KIF1B: variants seen among roughly 807,000 people sequenced by gnomAD.
The protein encoded by KIF1B is kinesin-like protein KIF1B.
Under a neutral mutation model 241.9 loss-of-function variants are expected in KIF1B, and 76 were observed. The observed-to-expected ratio is 0.31, with a 90% CI of 0.26 to 0.38. The LOEUF (loss-of-function observed/expected upper bound fraction) is 0.38, where lower values mean the gene tolerates loss of function less well. KIF1B is among the 10% of genes least tolerant of loss of function. KIF1B has a pLI of 1.00. For synonymous variants in KIF1B, 750 were observed against 796.7 expected (o/e 0.94, Z 0.99); for missense variants, 1,622 against 2,271.4 (o/e 0.71, Z 5.81).
At chr1:10,229,941 C>CCACT (rs1482005366) in intron 1 of KIF1B, among the ~76,000 whole-genome samples, 1 of 150,968 alleles carries the variant, frequency 6.6e-6, no homozygotes, top group Non-Finnish European at 1.5e-5. Flanking sequence ...ACCTATAATC[C>CCACT]CAGCACTTTG....
chr1:10,283,532 A>G (rs768547749), intron 15 of KIF1B, among the ~76,000 whole-genome samples: 8 of 152,370 alleles, frequency 5.3e-5, no homozygotes, highest in Non-Finnish European at 1.0e-4. Flanking sequence ...CTTCTGACTC[A>G]TAGCTGCTTC....
chr1:10,258,511 G>A lies in KIF1B; in HGVS notation c.202G>A (p.Ala68Thr). The change falls in exon 4 of 49, where the codon GCA becomes ACA. Residue 68 changes from alanine to threonine, a missense_variant. Ala to Thr is a moderately conservative substitution (Grantham distance 58). Around this residue, in one of 7 missense-constraint regions of KIF1B, gnomAD observed 156 missense variants for 244.8 expected, o/e 0.64. Coordinates refer to ENST00000676179, the MANE Select transcript of KIF1B (RefSeq NM_001365951.3). ...TTTACAGCCCGAAGATCCCTGTTTT[G>A]CATCTCAAAACCGTGTGTACAATGA... is the stretch of plus-strand genomic sequence containing the variant. ...SHTSPEDPCF[A>T]SQNRVYNDIG... The A allele has an allele frequency of 6.2e-7, 1 of 1,614,002 alleles. No homozygotes were observed. Among genetic ancestry groups the A allele is most frequent in the Non-Finnish European group, 8.5e-7 (1 of 1,179,980 alleles).
chr1:10,363,790 G>A (rs1421871667), intron 41 of KIF1B, among the ~76,000 whole-genome samples: 51 of 152,152 alleles, frequency 3.4e-4, no homozygotes, highest in Admixed American at 3.0e-3. Flanking sequence ...CTAGCTAGGC[G>A]GAGTTAAGCA....
chr1:10,240,436 G>A lies in KIF1B; in HGVS notation c.106+8002G>A, dbSNP rs184185905. 8.5e-4 allele frequency among the ~76,000 whole-genome samples: 129 copies of A among 151,830 alleles called. 1 individual carries two copies. The East Asian group carries it at 0.023, about 27-fold the overall frequency. ...TTGGCCAGTCTGGTCTCAAACTCCT[G>A]ACCTCAAGTAATCCACCTGTCTTGT... On this transcript the variant is annotated intron_variant, in intron 2 of 48. Coordinates refer to ENST00000676179, the MANE Select transcript of KIF1B (RefSeq NM_001365951.3).
At chr1:10,267,857 T>C (rs1488985894) in intron 6 of KIF1B, among the ~76,000 whole-genome samples, 2 of 152,194 alleles carry the variant, frequency 1.3e-5, no homozygotes, top group Non-Finnish European at 2.9e-5. Context: ...TAATTGATTC[T>C]GGAATAAATG....
intron 37 of KIF1B, among the ~76,000 whole-genome samples, chr1:10,350,370 T>C (rs1247146275): frequency 1.3e-5 from 2 of 148,578 alleles, no homozygotes; most frequent in African/African-American, 2.5e-5. Context: ...CCATCCTGGC[T>C]AACACGGTGA....
Position 10,342,132 on chromosome 1 carries a change from A to G in KIF1B, c.3596A>G (p.Gln1199Arg). ...TTTGAAGTCTTTGGGCATTATCAGC[A>G]GCACCCACTTCATCTGCAAGGACAG... ...IVFEVFGHYQ[Q>R]HPLHLQGQEL... The change falls in exon 33 of 49, where the codon CAG (glutamine) becomes CGG (arginine). Residue 1199 changes from glutamine (Q) to arginine (R), a missense_variant. This residue lies in a region of KIF1B where 803 missense variants were observed against 1,112.0 expected (regional missense o/e 0.72). Transcript: ENST00000676179. 1 of 1,613,194 alleles carries G rather than the reference A, an allele frequency of 6.2e-7. No homozygotes were observed.
chr1:10,344,758 A>G (rs1210617970), intron 34 of KIF1B: 1 of 152,192 alleles, frequency 6.6e-6, no homozygotes, highest in East Asian at 1.9e-4. Flanking sequence ...CTTTATGTAC[A>G]TTATGTTAGT....
rs777318699 is a variant in KIF1B, at chr1:10,267,463, C to T, written c.513C>T (p.His171=). The T allele has an allele frequency of 6.2e-7, 1 of 1,614,182 alleles. No homozygotes were observed. Among genetic ancestry groups the T allele is most frequent in the Non-Finnish European group, 8.5e-7 (1 of 1,180,016 alleles). Residue 171 remains histidine, a synonymous_variant, in exon 6 of 49, where the codon CAC becomes CAT. Coordinates refer to ENST00000676179, the MANE Select transcript of KIF1B (RefSeq NM_001365951.3). ...AGGGTAATTTGCGTGTGCGTGAACA[C>T]CCACTTCTTGGACCCTATGTGGAGG... ...KNKGNLRVRE[H]PLLGPYVEDL...
Position 10,326,105 on chromosome 1 carries a change from G to A in KIF1B, c.2676-6G>A, listed in dbSNP as rs1651711603. The A allele has an allele frequency of 6.2e-7, 1 of 1,613,980 alleles. No homozygotes were observed. Among genetic ancestry groups the A allele is most frequent in the Non-Finnish European group, 8.5e-7 (1 of 1,180,018 alleles). The stretch of plus-strand genomic sequence containing the variant: ...TGTGTTAATTGGCGTCTTACCTGGT[G>A]TCTAGCTCCCCCATTTTCCACGGCT... On this transcript the variant is annotated splice_region_variant and splice_polypyrimidine_tract_variant and intron_variant, in intron 26 of 48. Coordinates refer to ENST00000676179, the MANE Select transcript of KIF1B (RefSeq NM_001365951.3). The surrounding 1 kb of genome is among the most constrained non-coding windows in gnomAD (Gnocchi z 5.2).
rs755540069 is a variant in KIF1B, at chr1:10,371,230, G to A, written c.4914G>A (p.Leu1638=). 1.2e-6 allele frequency: 2 copies of A among 1,614,056 alleles called. No individual in the cohort carries two copies. The highest frequency in any genetic ancestry group is 3.3e-5 in the Admixed American group (2 of 60,008). Residue 1638 remains leucine, a synonymous_variant, in exon 45 of 49, where the codon CTG becomes CTA. Coordinates refer to ENST00000676179, the MANE Select transcript of KIF1B (RefSeq NM_001365951.3). Reference sequence around the variant, plus strand: ...CTCCCTCCTCCACCTGTCCCTCTCTGGTAGACTCTAGGAGCAACTCTCTGG... The same window carrying A: ...CTCCCTCCTCCACCTGTCCCTCTCTAGTAGACTCTAGGAGCAACTCTCTGG... ...TLTPSSTCPS[L]VDSRSNSLDQ...
intron 2 of KIF1B, among the ~76,000 whole-genome samples, chr1:10,247,486 A>C (rs928359015): frequency 6.6e-6 from 1 of 152,190 alleles, no homozygotes; most frequent in African/African-American, 2.4e-5. Context: ...TTAGAATGTA[A>C]GCTCCATGTA....
intron 22 of KIF1B, among the ~76,000 whole-genome samples, chr1:10,318,814 C>T (rs907775360): frequency 6.6e-6 from 1 of 152,120 alleles, no homozygotes; most frequent in Non-Finnish European, 1.5e-5. Flanking sequence ...TCTTTCTTAA[C>T]CCTACTTATT....
Position 10,326,016 on chromosome 1 carries a change from A to G in KIF1B, c.2676-95A>G. On this transcript the variant is annotated intron_variant, in intron 26 of 48. Transcript: ENST00000676179. The surrounding 1 kb of genome is among the most constrained non-coding windows in gnomAD (Gnocchi z 5.2). ...TTTGCTTTTATTGTGTTGATTCCCCAGTGGATTCTGTCCTGTTAGCACCTA... is the reference window on the plus strand; with the variant it reads ...TTTGCTTTTATTGTGTTGATTCCCCGGTGGATTCTGTCCTGTTAGCACCTA... 1 of 1,478,726 alleles carries G rather than the reference A, an allele frequency of 6.8e-7. No individual in the cohort carries two copies. The highest frequency in any genetic ancestry group is 9.4e-7 in the Non-Finnish European group (1 of 1,064,436). 91.6% of individuals were successfully genotyped at this position (1,478,726 alleles called of 1,614,324 possible).
intron 22 of KIF1B, among the ~76,000 whole-genome samples, chr1:10,312,126 T>C (rs1651095626): frequency 1.4e-5 from 1 of 70,864 alleles, no homozygotes; most frequent in Non-Finnish European, 3.3e-5. Flanking sequence ...TAGATGCTGA[T>C]GATACACAAC....
Position 10,348,667 on chromosome 1 carries a change from A to C in KIF1B, c.3883A>C (p.Thr1295Pro). 6.2e-7 allele frequency: 1 copy of C among 1,614,150 alleles called. No homozygotes were observed. Among genetic ancestry groups the C allele is most frequent in the Non-Finnish European group, 8.5e-7 (1 of 1,179,982 alleles). ...LLHQGIQRRI[T>P]VTIIHEKGSE... ...TACCTAGGGCATCCAGCGAAGGATC[A>C]CAGTGACCATTATCCATGAGAAGGG... is the stretch of plus-strand genomic sequence containing the variant. The change falls in exon 37 of 49, where the codon ACA (threonine) becomes CCA (proline). Residue 1295 changes from threonine (T) to proline (P), a missense_variant. Physicochemically the swap from Thr to Pro is conservative, Grantham distance 38. Around this residue, in one of 7 missense-constraint regions of KIF1B, gnomAD observed 803 missense variants for 1,112.0 expected, o/e 0.72. Transcript: ENST00000676179.
chr1:10,307,597 A>G (rs1569786732), intron 22 of KIF1B: 1 of 1,004,932 alleles, frequency 1.0e-6, no homozygotes, highest in East Asian at 7.2e-5. Flanking sequence ...GGCGTGAGCC[A>G]CCGCGCCTGG....
At chr1:10,324,677 T>A (rs1651658662) in intron 25 of KIF1B, 81 bp from the exon 26 acceptor site, 2 of 1,514,530 alleles carry the variant, frequency 1.3e-6, no homozygotes, top group Non-Finnish European at 1.8e-6. Flanking sequence ...GAAGAAAATC[T>A]TGAACGGAAG....
chr1:10,342,514 C>T (rs1292349072), intron 33 of KIF1B, among the ~76,000 whole-genome samples: 1 of 152,204 alleles, frequency 6.6e-6, no homozygotes, highest in Non-Finnish European at 1.5e-5. Context: ...GTACAGTCAT[C>T]ACAACTGCTG....
Sources: gnomAD v4.1 joint callset for allele counts (sites outside exome capture counted in the v4.1 genomes callset) on GRCh38, gnomAD v4.1.1 for gene constraint, gnomAD v4.1.1 regional missense constraint, Gnocchi (gnomAD v3.1) non-coding constraint, MANE v1.5 for transcripts, NCBI Gene and HGNC (gene_info 2026-07-23, HGNC 2026-07-21) for gene names.